Variants in ZNF438 observed in about 807,000 individuals in gnomAD.
ZNF438 encodes the protein zinc finger protein 438.
A neutral mutation model predicts 38.0 loss-of-function variants in ZNF438; 25 were observed. The observed-to-expected ratio is 0.66, with a 90% CI of 0.48 to 0.92. ZNF438 has a LOEUF of 0.92. Ranked by LOEUF, ZNF438 falls within the 40% of genes least tolerant of loss-of-function variation. The probability of loss-of-function intolerance (pLI) is 0.00; values close to 1 mark genes in which losing one functional copy is unlikely to be tolerated. For missense variants in ZNF438, 1,007 were observed against 999.6 expected (o/e 1.01, Z -0.10); for synonymous variants, 372 against 364.1 (o/e 1.02, Z -0.25).
chr10:31,020,559 G>T (rs1347327884), intron 1 of ZNF438, among the ~76,000 whole-genome samples: 1 of 152,122 alleles, frequency 6.6e-6, no homozygotes, highest in Non-Finnish European at 1.5e-5. Flanking sequence ...TAGCTCTAGG[G>T]GGAATGAGAT....
intron 1 of ZNF438, among the ~76,000 whole-genome samples, chr10:31,010,051 A>C (rs547735011): frequency 3.3e-5 from 5 of 152,002 alleles, no homozygotes; most frequent in African/African-American, 9.6e-5. Context: ...GTTTCACCAT[A>C]TCGGCCAGGC....
At position 30,958,078 on chromosome 10, in the gene ZNF438, T is replaced by C. The variant is rs1432041851; in HGVS notation, c.-191-16427A>G. Among the ~76,000 whole-genome samples the C allele has an allele frequency of 4.1e-5, 6 of 146,922 alleles. No homozygotes were observed. The East Asian group carries it at 1.2e-3, about 28-fold the overall frequency. On this transcript the variant is annotated intron_variant, in intron 1 of 5. Transcript: ENST00000413025. ...ATGTTGCTTTGGCTACTCGAGGTCT[T>C]TTGTAGTTCCATTTTTGGGACTGAG...
intron 1 of ZNF438, among the ~76,000 whole-genome samples, chr10:31,005,854 T>C (rs1241734843): frequency 6.6e-6 from 1 of 152,260 alleles, no homozygotes; most frequent in Non-Finnish European, 1.5e-5. Context: ...AAGATCATGT[T>C]ATTGTGAAAG....
intron 2 of ZNF438, among the ~76,000 whole-genome samples, chr10:30,930,242 G>A (rs930223273): frequency 1.3e-5 from 2 of 152,084 alleles, no homozygotes; most frequent in African/African-American, 2.4e-5. Context: ...CTGAGACCCG[G>A]CAAGAATTCA....
At chr10:30,854,057 C>T (rs1307264113) in intron 4 of ZNF438, among the ~76,000 whole-genome samples, 2 of 149,766 alleles carry the variant, frequency 1.3e-5, no homozygotes, top group African/African-American at 4.9e-5. Context: ...CGGTGGCTCA[C>T]GCCTGTAATC....
chr10:30,866,136 G>C (rs1359817343), intron 4 of ZNF438, among the ~76,000 whole-genome samples: 2 of 152,080 alleles, frequency 1.3e-5, no homozygotes, highest in Non-Finnish European at 2.9e-5. Flanking sequence ...ATAAAATTTT[G>C]ATCCTTGAGT....
chr10:30,991,262 C>G (rs58578974), intron 1 of ZNF438, among the ~76,000 whole-genome samples: 8,459 of 152,288 alleles, frequency 0.056, 742 homozygotes, highest in African/African-American at 0.19. Flanking sequence ...GCCACTGGCA[C>G]TGTTCATTTT....
intron 1 of ZNF438, among the ~76,000 whole-genome samples, chr10:30,994,076 C>A (rs978202356): frequency 6.6e-6 from 1 of 152,246 alleles, no homozygotes; most frequent in East Asian, 1.9e-4. Context: ...TTTGATTTAA[C>A]AGGCTCACAG....
chr10:30,957,454 A>G (rs1402012526), intron 1 of ZNF438, among the ~76,000 whole-genome samples: 1 of 152,100 alleles, frequency 6.6e-6, no homozygotes, highest in Non-Finnish European at 1.5e-5. Context: ...ACCCATACAA[A>G]CCTTATCTAG....
At chr10:30,943,992 C>T (rs986137828) in intron 1 of ZNF438, among the ~76,000 whole-genome samples, 2 of 152,086 alleles carry the variant, frequency 1.3e-5, no homozygotes, top group African/African-American at 2.4e-5. Context: ...CACAATAGAG[C>T]ATAAGGTCCA....
chr10:30,992,703 G>A (rs929367443), intron 1 of ZNF438, among the ~76,000 whole-genome samples: 1 of 152,198 alleles, frequency 6.6e-6, no homozygotes, highest in East Asian at 1.9e-4. Context: ...GTGAGCCACC[G>A]TGCCCAGCCT....
intron 1 of ZNF438, among the ~76,000 whole-genome samples, chr10:30,954,173 G>C (rs1385790725): frequency 6.6e-6 from 1 of 152,074 alleles, no homozygotes; most frequent in Non-Finnish European, 1.5e-5. Context: ...CCATAAAGTG[G>C]TAAATTTGGC....
intron 1 of ZNF438, among the ~76,000 whole-genome samples, chr10:31,022,088 C>A (rs1391763814): frequency 6.6e-6 from 1 of 152,144 alleles, no homozygotes; most frequent in African/African-American, 2.4e-5. Flanking sequence ...ATTTCTCAAT[C>A]GGATTGTGAC....
chr10:30,845,407 C>T, exon 6 of ZNF438: 1 of 1,614,118 alleles, frequency 6.2e-7, no homozygotes, highest in Non-Finnish European at 8.5e-7. Context: ...GGGAAGGTCC[C>T]TTCTTGTAGC....
intron 2 of ZNF438, chr10:30,923,461 C>A (rs551554367): frequency 6.6e-6 from 1 of 152,244 alleles, no homozygotes; most frequent in South Asian, 2.1e-4. Context: ...TAATTACTAA[C>A]ATAACATTTT....
intron 1 of ZNF438, among the ~76,000 whole-genome samples, chr10:31,010,892 G>GAAAAAAAAAAAAAAAAA (rs563189482): frequency 1.1e-5 from 1 of 92,594 alleles, no homozygotes; most frequent in African/African-American, 5.3e-5. Context: ...GACCCTGTTT[G>GAAAAAAAAAAAAAAAAA]AAAAAAAAAA....
exon 6 of ZNF438, chr10:30,845,349 T>C: frequency 6.2e-7 from 1 of 1,614,188 alleles, no homozygotes; most frequent in African/African-American, 1.3e-5. Context: ...CCTTTTCCAG[T>C]CGGGGCTAGC....
Position 30,897,951 on chromosome 10 carries a change from T to A in ZNF438, c.-32+10982A>T, listed in dbSNP as rs114533041. ...AAACTGAAATACAACAAATGGGAAA[T>A]CTGTTACCATTTTGGTATACAATCT... On this transcript the variant is annotated intron_variant, in intron 3 of 5. Transcript: ENST00000413025. Among the ~76,000 whole-genome samples the A allele has an allele frequency of 1.8e-3, 267 of 152,310 alleles. 2 individuals carry two copies. Among genetic ancestry groups the A allele is most frequent in the African/African-American group, 5.6e-3 (232 of 41,566 alleles).
intron 2 of ZNF438, among the ~76,000 whole-genome samples, chr10:30,915,687 T>C (rs1220442001): frequency 1.3e-5 from 2 of 152,034 alleles, no homozygotes; most frequent in Non-Finnish European, 2.9e-5. Flanking sequence ...CAACATAACA[T>C]TAAGATCTAG....
Sources: allele counts gnomAD v4.1 joint callset (sites outside exome capture counted in the v4.1 genomes callset), GRCh38; gene constraint gnomAD v4.1.1; transcripts MANE v1.5; gene names NCBI Gene and HGNC (gene_info 2026-07-23, HGNC 2026-07-21).